The following CSMD1 variants were observed in gnomAD, a reference collection of about 807,000 sequenced individuals.
CSMD1 encodes CUB and sushi domain-containing protein 1.
In CSMD1, 213 loss-of-function variants were observed where a neutral mutation model predicts 417.5. The ratio of observed to expected loss-of-function variants is 0.51; its 90% CI spans 0.46 to 0.57. The LOEUF is 0.57. Ranked by LOEUF, CSMD1 falls within the 20% of genes least tolerant of loss-of-function variation. CSMD1 has a pLI of 0.00. For missense variants in CSMD1, 6,923 were observed against 4,529.7 expected (o/e 1.53, Z -15.17); for synonymous variants, 2,862 against 1,736.8 (o/e 1.65, Z -16.11).
intron 3 of CSMD1, among the ~76,000 whole-genome samples, chr8:4,055,090 G>C (rs532057892): frequency 1.3e-5 from 2 of 152,234 alleles, no homozygotes; most frequent in Admixed American, 1.3e-4. Context: ...GAGATTATTA[G>C]TAACACATTT....
chr8:4,438,080 C>G (rs901479495), intron 2 of CSMD1, among the ~76,000 whole-genome samples: 1 of 152,212 alleles, frequency 6.6e-6, no homozygotes, highest in Non-Finnish European at 1.5e-5. Flanking sequence ...CACTCAGCTT[C>G]TTTGGTTTCC....
At chr8:3,686,200 A>G (rs1205559479) in intron 7 of CSMD1, among the ~76,000 whole-genome samples, 3 of 152,274 alleles carry the variant, frequency 2.0e-5, no homozygotes, top group Admixed American at 6.5e-5. Flanking sequence ...GTTTCTGTGA[A>G]GTTAGAGTGT....
intron 5 of CSMD1, among the ~76,000 whole-genome samples, chr8:3,889,522 CATATAT>C (rs533354912): frequency 1.3e-5 from 1 of 74,682 alleles, no homozygotes; most frequent in African/African-American, 4.5e-5. Context: ...ATGATATATA[CATATAT>C]ATACATACAC....
intron 26 of CSMD1, among the ~76,000 whole-genome samples, chr8:3,235,205 T>C (rs1040497586): frequency 5.9e-5 from 9 of 152,164 alleles, no homozygotes; most frequent in African/African-American, 2.2e-4. Context: ...AGTACAAGAA[T>C]TTAAAAACAA....
intron 7 of CSMD1, among the ~76,000 whole-genome samples, chr8:3,640,907 G>T (rs926285068): frequency 1.3e-5 from 2 of 151,760 alleles, no homozygotes; most frequent in East Asian, 3.9e-4. Context: ...ATTAATCATG[G>T]TTTGCCAGCT....
At chr8:4,394,796 A>G (rs1030258321) in intron 3 of CSMD1, among the ~76,000 whole-genome samples, 2 of 152,058 alleles carry the variant, frequency 1.3e-5, no homozygotes, top group African/African-American at 4.8e-5. Flanking sequence ...GCCTCACCTT[A>G]GTTTTCAGCT....
chr8:4,917,589 A>G (rs1221394976), intron 1 of CSMD1, among the ~76,000 whole-genome samples: 2 of 152,190 alleles, frequency 1.3e-5, no homozygotes, highest in East Asian at 1.9e-4. Context: ...AGCCGAGATC[A>G]TGCCACTGCA....
chr8:4,083,890 C>T (rs1425215893), intron 3 of CSMD1, among the ~76,000 whole-genome samples: 3 of 152,086 alleles, frequency 2.0e-5, no homozygotes, highest in African/African-American at 7.2e-5. Flanking sequence ...AAACTACCAC[C>T]AGAGTGAACA....
rs1818486714 is a variant in CSMD1, at chr8:3,141,641, G to C, written c.6241+824C>G. Among the ~76,000 whole-genome samples the C allele has an allele frequency of 2.0e-5, 3 of 152,202 alleles. No homozygotes were observed. In the South Asian group the frequency reaches 6.2e-4, roughly 32 times the overall value. On this transcript the variant is annotated intron_variant, in intron 41 of 69. Transcript: ENST00000635120. ...TGCAGACCCTGCACCTGGTGGATCA[G>C]CTGACACCACCCAAACCGGTAATCT...
chr8:3,247,710 G>T (rs928397894), intron 26 of CSMD1, among the ~76,000 whole-genome samples: 1 of 152,134 alleles, frequency 6.6e-6, no homozygotes, highest in African/African-American at 2.4e-5. Context: ...TCTCCCAACA[G>T]TTGAGATTAA....
chr8:3,908,659 G>A (rs892380900), intron 5 of CSMD1, among the ~76,000 whole-genome samples: 4 of 152,092 alleles, frequency 2.6e-5, no homozygotes, highest in Non-Finnish European at 4.4e-5. Context: ...TTGCTCTGCA[G>A]GGCCTACTCC....
chr8:4,100,319 C>A (rs1801240978), intron 3 of CSMD1, among the ~76,000 whole-genome samples: 1 of 152,166 alleles, frequency 6.6e-6, no homozygotes, highest in Non-Finnish European at 1.5e-5. Flanking sequence ...ATGAAACCTT[C>A]ACCAAATGAA....
intron 1 of CSMD1, among the ~76,000 whole-genome samples, chr8:4,895,169 C>T (rs112073784): frequency 6.6e-6 from 1 of 152,130 alleles, no homozygotes; most frequent in Non-Finnish European, 1.5e-5. Flanking sequence ...AAAATAATAA[C>T]TATTTGTAGA....
chr8:4,360,189 G>C (rs1584954755), intron 3 of CSMD1, among the ~76,000 whole-genome samples: 2 of 152,206 alleles, frequency 1.3e-5, no homozygotes, highest in South Asian at 4.1e-4. Context: ...CCGAGTAAAC[G>C]CGTGGCATTT....
chr8:3,081,009 C>T (rs1442503339), intron 49 of CSMD1, among the ~76,000 whole-genome samples: 5 of 151,968 alleles, frequency 3.3e-5, no homozygotes, highest in Non-Finnish European at 7.4e-5. Flanking sequence ...AAATATTCTC[C>T]CATATTTATC....
intron 1 of CSMD1, among the ~76,000 whole-genome samples, chr8:4,911,014 T>G (rs1410167840): frequency 1.3e-5 from 2 of 152,256 alleles, no homozygotes; most frequent in Non-Finnish European, 2.9e-5. Context: ...ACAAAAACTC[T>G]CTCTTTGCCT....
At chr8:3,055,368 G>A (rs746468155) in intron 49 of CSMD1, among the ~76,000 whole-genome samples, 13 of 152,126 alleles carry the variant, frequency 8.5e-5, no homozygotes, top group Middle Eastern at 3.2e-3. Flanking sequence ...CCCCTTAAGC[G>A]TCTTAACAAA....
chr8:3,871,825 G>T (rs1020238565), intron 5 of CSMD1, among the ~76,000 whole-genome samples: 1 of 152,128 alleles, frequency 6.6e-6, no homozygotes, highest in South Asian at 2.1e-4. Flanking sequence ...AGCTTGTGAA[G>T]GCTATTACAC....
At chr8:3,593,554 G>A (rs756224851) in intron 8 of CSMD1, among the ~76,000 whole-genome samples, 2 of 152,164 alleles carry the variant, frequency 1.3e-5, no homozygotes, top group Non-Finnish European at 2.9e-5. Flanking sequence ...AGAGAGTGAA[G>A]GGATGTCCAG....
Sources: gnomAD v4.1 joint callset for allele counts (sites outside exome capture counted in the v4.1 genomes callset) on GRCh38, gnomAD v4.1.1 for gene constraint, MANE v1.5 for transcripts, NCBI Gene and HGNC (gene_info 2026-07-23, HGNC 2026-07-21) for gene names.